Variants in SLC10A7 observed in about 807,000 individuals in gnomAD.
SLC10A7 encodes the protein solute carrier family 10 member 7.
Under a neutral mutation model 43.2 loss-of-function variants are expected in SLC10A7, and 29 were observed. That is an observed-to-expected ratio of 0.67 (90% CI 0.50 to 0.92). The LOEUF (loss-of-function observed/expected upper bound fraction) is 0.92, where lower values mean the gene tolerates loss of function less well. Among genes scored for constraint, SLC10A7 ranks in the 40% least tolerant of loss-of-function variants. The pLI is 0.00. For missense variants in SLC10A7, 295 were observed against 403.2 expected, an observed-to-expected ratio of 0.73 and a Z score of 2.30; for synonymous variants, 152 against 144.8, an observed-to-expected ratio of 1.05 and a Z score of -0.35.
At chr4:146,513,244 CTATA>C (rs1356141475) in intron 2 of SLC10A7, among the ~76,000 whole-genome samples, 1 of 151,230 alleles carries the variant, frequency 6.6e-6, no homozygotes, top group East Asian at 1.9e-4. Flanking sequence ...TTTTGTTATA[CTATA>C]TAAAGAAAAT....
chr4:146,309,785 T>C (rs1181136568), intron 6 of SLC10A7, among the ~76,000 whole-genome samples: 2 of 152,182 alleles, frequency 1.3e-5, no homozygotes, highest in African/African-American at 4.8e-5. Flanking sequence ...TGCACTTTCA[T>C]GTGACAGACA....
At chr4:146,259,878 T>C (rs1686114243) in intron 10 of SLC10A7, among the ~76,000 whole-genome samples, 1 of 152,248 alleles carries the variant, frequency 6.6e-6, no homozygotes, top group Non-Finnish European at 1.5e-5. Flanking sequence ...ATAGCCTAGC[T>C]TTCTTGTTTC....
intron 6 of SLC10A7, among the ~76,000 whole-genome samples, chr4:146,325,627 C>T (rs1395096942): frequency 6.6e-6 from 1 of 152,118 alleles, no homozygotes; most frequent in East Asian, 1.9e-4. Flanking sequence ...CACTATCAAA[C>T]ACTGGGTCAC....
At chr4:146,290,621 G>A (rs1244754220) in intron 9 of SLC10A7, among the ~76,000 whole-genome samples, 1 of 152,098 alleles carries the variant, frequency 6.6e-6, no homozygotes, top group African/African-American at 2.4e-5. Context: ...GCACTTTGGG[G>A]AGTCAAGGTG....
chr4:146,427,533 G>A (rs997802206), intron 5 of SLC10A7, among the ~76,000 whole-genome samples: 2 of 152,124 alleles, frequency 1.3e-5, no homozygotes, highest in African/African-American at 4.8e-5. Context: ...TGGTGATATG[G>A]AATCAGGATT....
intron 5 of SLC10A7, among the ~76,000 whole-genome samples, chr4:146,359,273 G>C (rs966037649): frequency 1.3e-5 from 2 of 152,204 alleles, no homozygotes; most frequent in South Asian, 2.1e-4. Context: ...GGGTAGAAGT[G>C]CTTGCTGGAT....
At chr4:146,269,989 C>T (rs1488952312) in intron 10 of SLC10A7, among the ~76,000 whole-genome samples, 1 of 152,116 alleles carries the variant, frequency 6.6e-6, no homozygotes, top group Admixed American at 6.5e-5. Flanking sequence ...TTTTCCTTTT[C>T]ATGGTACTGT....
intron 2 of SLC10A7, chr4:146,515,261 AC>A: frequency 1.5e-6 from 1 of 672,734 alleles, no homozygotes; most frequent in African/African-American, 1.8e-5. Context: ...CAAGTAAAGG[AC>A]TTGGGTTAGA....
At chr4:146,333,552 G>A (rs1051298137) in intron 5 of SLC10A7, among the ~76,000 whole-genome samples, 2 of 152,144 alleles carry the variant, frequency 1.3e-5, no homozygotes, top group Admixed American at 1.3e-4. Context: ...CAGAAGAAGG[G>A]AAGGGAGAGG....
chr4:146,398,518 G>A (rs1243917442), intron 5 of SLC10A7, among the ~76,000 whole-genome samples: 1 of 152,146 alleles, frequency 6.6e-6, no homozygotes, highest in African/African-American at 2.4e-5. Context: ...TGGAATATTT[G>A]TTATAAGAAA....
At chr4:146,258,038 A>G (rs1727988004) in intron 11 of SLC10A7, among the ~76,000 whole-genome samples, 1 of 152,246 alleles carries the variant, frequency 6.6e-6, no homozygotes, top group Non-Finnish European at 1.5e-5. Flanking sequence ...AGTCAGTTCT[A>G]TCAATGCTAC....
intron 6 of SLC10A7, among the ~76,000 whole-genome samples, chr4:146,319,989 A>T (rs1732588750): frequency 6.6e-6 from 1 of 152,046 alleles, no homozygotes; most frequent in Non-Finnish European, 1.5e-5. Flanking sequence ...ACCACGTAAA[A>T]TTTCTCTGAT....
intron 1 of SLC10A7, among the ~76,000 whole-genome samples, chr4:146,519,585 T>C (rs191459585): frequency 2.2e-4 from 34 of 152,264 alleles, no homozygotes; most frequent in African/African-American, 7.7e-4. Context: ...ATTATCTTTA[T>C]ATTTGTTAGT....
chr4:146,480,686 C>T (rs1331778536), intron 4 of SLC10A7, among the ~76,000 whole-genome samples: 1 of 151,670 alleles, frequency 6.6e-6, no homozygotes, highest in Non-Finnish European at 1.5e-5. Context: ...AATAGAACAC[C>T]AGGAAGTCTA....
intron 5 of SLC10A7, among the ~76,000 whole-genome samples, chr4:146,380,892 T>C (rs1375132526): frequency 1.3e-5 from 2 of 152,174 alleles, no homozygotes; most frequent in African/African-American, 4.8e-5. Context: ...AAAAAATAGA[T>C]AATTTAGATA....
chr4:146,422,597 T>C (rs1054079660), intron 5 of SLC10A7, among the ~76,000 whole-genome samples: 23 of 152,174 alleles, frequency 1.5e-4, no homozygotes, highest in Non-Finnish European at 2.8e-4. Flanking sequence ...CAAACATAAC[T>C]TTCTTGCAGA....
At chr4:146,258,659 T>C in intron 11 of SLC10A7, 33 bp downstream of exon 11, 1 of 1,561,502 alleles carries the variant, frequency 6.4e-7, no homozygotes, top group Non-Finnish European at 8.6e-7. Context: ...TTAATCTAAC[T>C]TGGATCCAAA....
At chr4:146,436,866 C>G (rs78239625) in intron 5 of SLC10A7, among the ~76,000 whole-genome samples, 1 of 151,900 alleles carries the variant, frequency 6.6e-6, no homozygotes, top group South Asian at 2.1e-4. Flanking sequence ...CTTCTATTCA[C>G]GACAAGATAG....
chr4:146,466,278 T>C (rs560400654), intron 4 of SLC10A7, among the ~76,000 whole-genome samples: 6 of 152,180 alleles, frequency 3.9e-5, no homozygotes, highest in Non-Finnish European at 7.4e-5. Context: ...TAAAAACGTA[T>C]AGTACTGAAG....
Sources: gnomAD v4.1 joint callset for allele counts (sites outside exome capture counted in the v4.1 genomes callset) on GRCh38, gnomAD v4.1.1 for gene constraint, MANE v1.5 for transcripts, NCBI Gene and HGNC (gene_info 2026-07-23, HGNC 2026-07-21) for gene names.